ATP6V1C2: variants seen among roughly 807,000 people sequenced by gnomAD.
ATP6V1C2 encodes the protein ATPase H+ transporting V1 subunit C2.
ATP6V1C2 carries 45 observed loss-of-function variants against 56.8 expected under a neutral mutation model. That is an observed-to-expected ratio of 0.79 (90% CI 0.62 to 1.02). The LOEUF (loss-of-function observed/expected upper bound fraction) is 1.02, where lower values mean the gene tolerates loss of function less well. ATP6V1C2 is among the 50% of genes least tolerant of loss of function. ATP6V1C2 has a pLI of 0.00. For missense variants in ATP6V1C2, 463 were observed against 519.7 expected (o/e 0.89, Z 1.06); for synonymous variants, 220 against 201.3 (o/e 1.09, Z -0.79).
intron 3 of ATP6V1C2, among the ~76,000 whole-genome samples, chr2:10,727,680 C>T (rs1218573910): frequency 6.6e-6 from 1 of 152,198 alleles, no homozygotes; most frequent in Non-Finnish European, 1.5e-5. Flanking sequence ...AGGTGGATCA[C>T]TTGAGATCAG....
intron 3 of ATP6V1C2, among the ~76,000 whole-genome samples, chr2:10,730,168 T>G (rs1408493078): frequency 6.6e-6 from 1 of 152,086 alleles, no homozygotes. Flanking sequence ...CCAGCTGGAG[T>G]ACAGTGGCAC....
Position 10,784,124 on chromosome 2 carries a change from G to C in ATP6V1C2, c.*861G>C, listed in dbSNP as rs776004654. 2.3e-5 allele frequency: 12 copies of C among 524,046 alleles called. No individual in the cohort carries two copies. The highest frequency in any genetic ancestry group is 4.0e-5 in the Non-Finnish European group (12 of 300,946). The allele number at this position is 524,046 out of a possible 1,614,324, so 32.5% of individuals were successfully genotyped here. On this transcript the variant is annotated 3_prime_UTR_variant, in exon 14 of 14. Transcript: ENST00000272238. Reference sequence around the variant, plus strand: ...GTTCACTGTTGCAGTGTTTTCAAATGACCAATCAAGTACTACTTCTTGGTT... The same window carrying C: ...GTTCACTGTTGCAGTGTTTTCAAATCACCAATCAAGTACTACTTCTTGGTT...
Position 10,767,709 on chromosome 2 carries a change from C to T in ATP6V1C2, c.379-1010C>T, listed in dbSNP as rs1189207147. ...CTGACCTCAGGTGATCTGCCCGCCT[C>T]GGCCTCCCAAAGTGCTGGGATTACA... On this transcript the variant is annotated intron_variant, in intron 5 of 13. Coordinates refer to ENST00000272238, the MANE Select transcript of ATP6V1C2 (RefSeq NM_001039362.2). 5.9e-5 allele frequency among the ~76,000 whole-genome samples: 9 copies of T among 152,312 alleles called. No individual in the cohort carries two copies. The South Asian group carries it at 1.9e-3, about 32-fold the overall frequency.
At chr2:10,727,770 G>C (rs1402437267) in intron 3 of ATP6V1C2, among the ~76,000 whole-genome samples, 2 of 151,634 alleles carry the variant, frequency 1.3e-5, no homozygotes, top group African/African-American at 4.9e-5. Context: ...GTGGTGGCGG[G>C]TGCCTATAAT....
rs533128787 is a variant in ATP6V1C2, at chr2:10,726,381, T to C, written c.130-121T>C. ...TAAGAGTTTTTTCTACTTTCCACTT[T>C]GGCCATTGACCAAGGGTGACAAATT... On this transcript the variant is annotated intron_variant, in intron 2 of 13. Coordinates refer to ENST00000272238, the MANE Select transcript of ATP6V1C2 (RefSeq NM_001039362.2). The C allele has an allele frequency of 9.9e-5, 76 of 770,056 alleles. 1 individual carries two copies. The African/African-American group carries it at 1.2e-3, about 12-fold the overall frequency. 47.7% of individuals were successfully genotyped at this position (770,056 alleles called of 1,614,324 possible).
At chr2:10,740,416 A>T (rs1662484769) in intron 3 of ATP6V1C2, among the ~76,000 whole-genome samples, 1 of 151,450 alleles carries the variant, frequency 6.6e-6, no homozygotes, top group Non-Finnish European at 1.5e-5. Flanking sequence ...AGGTTGCACA[A>T]CTCCAGGGGA....
intron 8 of ATP6V1C2, 72 bp from the exon 9 acceptor site, chr2:10,774,716 C>T (rs895995069): frequency 1.3e-5 from 18 of 1,354,108 alleles, no homozygotes; most frequent in Middle Eastern, 2.0e-4. Context: ...CCACCAGGCC[C>T]GGGGCCTCTG....
chr2:10,721,935 C>T (rs1247404452), intron 1 of ATP6V1C2, among the ~76,000 whole-genome samples: 4 of 152,188 alleles, frequency 2.6e-5, no homozygotes, highest in Admixed American at 6.5e-5. Context: ...GCAGTCAAGG[C>T]GGAAAGGAGC....
At chr2:10,729,787 C>A (rs538155173) in intron 3 of ATP6V1C2, among the ~76,000 whole-genome samples, 1 of 152,042 alleles carries the variant, frequency 6.6e-6, no homozygotes, top group Non-Finnish European at 1.5e-5. Context: ...CCCAGGAGGT[C>A]GAGGCTGAGC....
intron 3 of ATP6V1C2, among the ~76,000 whole-genome samples, chr2:10,743,806 GA>G (rs1029964707): frequency 6.6e-6 from 1 of 151,798 alleles, no homozygotes; most frequent in Non-Finnish European, 1.5e-5. Context: ...CTAACATGGT[GA>G]AACCCCATCT....
Position 10,784,879 on chromosome 2 carries a change from C to T in ATP6V1C2, c.*1616C>T, listed in dbSNP as rs1665630224. The T allele has an allele frequency of 6.2e-6, 8 of 1,285,810 alleles. No individual in the cohort carries two copies. In the South Asian group the frequency reaches 1.0e-4, roughly 16 times the overall value. The allele number at this position is 1,285,810 out of a possible 1,614,324, so 79.7% of individuals were successfully genotyped here. On this transcript the variant is annotated 3_prime_UTR_variant, in exon 14 of 14. Transcript: ENST00000272238. Reference sequence around the variant, plus strand: ...GACTCCAGGTGCAGAGATGCACAGGCTCAAGAGAGTAAACCAGGACTGCTG... The same window carrying T: ...GACTCCAGGTGCAGAGATGCACAGGTTCAAGAGAGTAAACCAGGACTGCTG...
At chr2:10,743,200 A>T (rs4669619) in intron 3 of ATP6V1C2, among the ~76,000 whole-genome samples, 151,966 of 152,242 alleles carry the variant, frequency 1, 75,845 homozygotes, top group Non-Finnish European at 1. Flanking sequence ...CACTGCAACC[A>T]GCCTCACCCT....
intron 3 of ATP6V1C2, among the ~76,000 whole-genome samples, chr2:10,732,253 C>T (rs1384190443): frequency 6.6e-6 from 1 of 151,878 alleles, no homozygotes; most frequent in Non-Finnish European, 1.5e-5. Context: ...CTCTTTCTCT[C>T]ACTCTTTCTC....
In ATP6V1C2 at chr2:10,784,923, C is replaced by T. The variant is rs560061312; in HGVS notation, c.*1660C>T. 4.4e-5 allele frequency: 69 copies of T among 1,558,174 alleles called. 1 individual carries two copies. The highest frequency in any genetic ancestry group is 2.0e-4 in the South Asian group (17 of 85,432). Reference sequence around the variant, plus strand: ...ACTGCTGCCCGCACAGCTTCCCTCCCGGGCACTCACCTCGCCATCCCTGCC... The same window carrying T: ...ACTGCTGCCCGCACAGCTTCCCTCCTGGGCACTCACCTCGCCATCCCTGCC... On this transcript the variant is annotated 3_prime_UTR_variant, in exon 14 of 14. Coordinates refer to ENST00000272238, the MANE Select transcript of ATP6V1C2 (RefSeq NM_001039362.2).
At chr2:10,752,436 T>C (rs1663274354) in intron 3 of ATP6V1C2, among the ~76,000 whole-genome samples, 1 of 152,134 alleles carries the variant, frequency 6.6e-6, no homozygotes, top group African/African-American at 2.4e-5. Flanking sequence ...TTGAGTCCGC[T>C]CCTCCTGCAA....
intron 6 of ATP6V1C2, 25 bp downstream of exon 6, chr2:10,768,835 C>A: frequency 6.3e-7 from 1 of 1,599,454 alleles, no homozygotes; most frequent in Non-Finnish European, 8.6e-7. Flanking sequence ...GCCTCCACAT[C>A]TGGCGGGGGC....
At chr2:10,737,017 G>A (rs1662286177) in intron 3 of ATP6V1C2, among the ~76,000 whole-genome samples, 1 of 151,638 alleles carries the variant, frequency 6.6e-6, no homozygotes, top group Non-Finnish European at 1.5e-5. Context: ...CCAAAGTGCT[G>A]GGTTTATAGG....
intron 3 of ATP6V1C2, among the ~76,000 whole-genome samples, chr2:10,753,513 T>C (rs1663338667): frequency 6.6e-6 from 1 of 151,952 alleles, no homozygotes; most frequent in Non-Finnish European, 1.5e-5. Flanking sequence ...GTGGAATTAC[T>C]GGTTCAAAGG....
chr2:10,757,623 C>G (rs1380868354), intron 4 of ATP6V1C2, among the ~76,000 whole-genome samples: 1 of 152,142 alleles, frequency 6.6e-6, no homozygotes, highest in African/African-American at 2.4e-5. Flanking sequence ...AGATAACCAC[C>G]ATCTCATCCC....
Sources: gnomAD v4.1 joint callset for allele counts (sites outside exome capture counted in the v4.1 genomes callset) on GRCh38, gnomAD v4.1.1 for gene constraint, MANE v1.5 for transcripts, NCBI Gene and HGNC (gene_info 2026-07-23, HGNC 2026-07-21) for gene names.